Variants in NRXN3 observed in about 807,000 individuals in gnomAD.
NRXN3 encodes the protein neurexin 3.
In NRXN3, 32 loss-of-function variants were observed where a neutral mutation model predicts 137.6. The ratio of observed to expected loss-of-function variants is 0.23; its 90% CI spans 0.18 to 0.31. The LOEUF is 0.31. Ranked by LOEUF, NRXN3 falls within the 10% of genes least tolerant of loss-of-function variation. The pLI, the probability that NRXN3 is intolerant of heterozygous loss-of-function variation, is 1.00. For synonymous variants in NRXN3, 798 were observed against 784.5 expected, an observed-to-expected ratio of 1.02 and a Z score of -0.29; for missense variants, 1,574 against 2,062.5, an observed-to-expected ratio of 0.76 and a Z score of 4.59.
chr14:78,506,774 A>T (rs1037004572), intron 4 of NRXN3, among the ~76,000 whole-genome samples: 2 of 149,362 alleles, frequency 1.3e-5, no homozygotes, highest in Non-Finnish European at 1.5e-5. Flanking sequence ...GGCTCAAGTG[A>T]TTCTCTTGCC....
chr14:78,731,559 A>T (rs900565219), intron 8 of NRXN3, among the ~76,000 whole-genome samples: 4 of 151,700 alleles, frequency 2.6e-5, no homozygotes, highest in African/African-American at 9.7e-5. Context: ...GTTATTATTA[A>T]CATATCTGTA....
chr14:78,896,694 T>G (rs1054615410), intron 10 of NRXN3, among the ~76,000 whole-genome samples: 19 of 151,882 alleles, frequency 1.3e-4, no homozygotes, highest in African/African-American at 4.3e-4. Context: ...TTCCACTTGC[T>G]AAAAATCTAT....
At chr14:78,642,953 C>G (rs186450119) in intron 4 of NRXN3, among the ~76,000 whole-genome samples, 7 of 152,156 alleles carry the variant, frequency 4.6e-5, no homozygotes, top group Admixed American at 3.3e-4. Context: ...GAACAGGTCT[C>G]TTTTGCTTAT....
intron 15 of NRXN3, among the ~76,000 whole-genome samples, chr14:79,153,406 TGAGA>T (rs1409748599): frequency 1.3e-5 from 2 of 151,942 alleles, no homozygotes; most frequent in African/African-American, 4.8e-5. Flanking sequence ...TCTTTTTATT[TGAGA>T]GAGAGAAAGA....
chr14:79,297,779 C>A (rs74634418), intron 15 of NRXN3, among the ~76,000 whole-genome samples: 1,964 of 152,116 alleles, frequency 0.013, 34 homozygotes, highest in South Asian at 0.081. Flanking sequence ...TGGGTAGCAA[C>A]CCAGCACTGC....
intron 15 of NRXN3, among the ~76,000 whole-genome samples, chr14:79,379,167 A>G (rs1273213598): frequency 6.6e-6 from 1 of 152,014 alleles, no homozygotes; most frequent in African/African-American, 2.4e-5. Flanking sequence ...TCCAGGAAAA[A>G]ATTTTAACTT....
chr14:78,261,311 C>T (rs151000862), intron 2 of NRXN3, among the ~76,000 whole-genome samples: 74 of 152,304 alleles, frequency 4.9e-4, no homozygotes, highest in Admixed American at 1.0e-3. Flanking sequence ...TGATTTTGCT[C>T]TGCTCTGATC....
At chr14:79,317,872 T>A (rs919553579) in intron 15 of NRXN3, among the ~76,000 whole-genome samples, 1 of 152,188 alleles carries the variant, frequency 6.6e-6, no homozygotes, top group East Asian at 1.9e-4. Context: ...AATACCTACA[T>A]TGGGAGTGGG....
At chr14:79,526,935 A>G (rs566115499) in intron 16 of NRXN3, among the ~76,000 whole-genome samples, 1 of 152,310 alleles carries the variant, frequency 6.6e-6, no homozygotes, top group Admixed American at 6.5e-5. Flanking sequence ...GCAAAACATA[A>G]CAGAACCCAG....
chr14:79,084,494 C>T (rs776000073), intron 15 of NRXN3, among the ~76,000 whole-genome samples: 1 of 152,130 alleles, frequency 6.6e-6, no homozygotes, highest in Non-Finnish European at 1.5e-5. Flanking sequence ...TAAAAAAGTA[C>T]TGTCACTCCC....
chr14:79,044,836 T>C (rs1221029176), intron 15 of NRXN3, among the ~76,000 whole-genome samples: 2 of 151,866 alleles, frequency 1.3e-5, no homozygotes. Context: ...TTTTTTTTTT[T>C]TTTTTCTTCC....
chr14:79,209,517 A>G (rs911050915), intron 15 of NRXN3, among the ~76,000 whole-genome samples: 1 of 152,236 alleles, frequency 6.6e-6, no homozygotes, highest in African/African-American at 2.4e-5. Context: ...CACTGAGATC[A>G]TTAAGGTCTC....
intron 4 of NRXN3, among the ~76,000 whole-genome samples, chr14:78,383,970 T>C (rs138067497): frequency 2.0e-5 from 3 of 152,304 alleles, no homozygotes; most frequent in Non-Finnish European, 4.4e-5. Context: ...TAAAAGCCAA[T>C]TGGTCCTGTG....
chr14:78,669,119 T>TA (rs951351544), intron 6 of NRXN3, among the ~76,000 whole-genome samples: 1 of 151,534 alleles, frequency 6.6e-6, no homozygotes, highest in Non-Finnish European at 1.5e-5. Context: ...GAACAAAAGT[T>TA]AAAAAAAAAT....
chr14:78,474,637 A>G (rs755975110), intron 4 of NRXN3, among the ~76,000 whole-genome samples: 19 of 152,232 alleles, frequency 1.2e-4, no homozygotes, highest in Non-Finnish European at 2.4e-4. Context: ...GGGCATGAAT[A>G]TCAGGAAGGA....
At chr14:79,812,985 G>A (rs1188929908) in intron 20 of NRXN3, among the ~76,000 whole-genome samples, 1 of 151,962 alleles carries the variant, frequency 6.6e-6, no homozygotes, top group Admixed American at 6.6e-5. Context: ...CCAAGTATAT[G>A]TACTGTGTGT....
intron 15 of NRXN3, among the ~76,000 whole-genome samples, chr14:79,354,010 C>T (rs2093327991): frequency 6.6e-6 from 1 of 152,086 alleles, no homozygotes; most frequent in African/African-American, 2.4e-5. Flanking sequence ...ATAACAGCTA[C>T]GACATCTTTT....
chr14:79,266,281 T>C (rs920401426), intron 15 of NRXN3, among the ~76,000 whole-genome samples: 1 of 152,130 alleles, frequency 6.6e-6, no homozygotes. Context: ...CTTCAAAACC[T>C]GGTTTAAAGA....
At chr14:79,070,098 G>T (rs1316286258) in intron 15 of NRXN3, among the ~76,000 whole-genome samples, 1 of 152,050 alleles carries the variant, frequency 6.6e-6, no homozygotes, top group Non-Finnish European at 1.5e-5. Context: ...AATTAGGAAG[G>T]ATGTTATGAC....
Sources: gnomAD v4.1 joint callset for allele counts (sites outside exome capture counted in the v4.1 genomes callset) on GRCh38, gnomAD v4.1.1 for gene constraint, MANE v1.5 for transcripts, NCBI Gene and HGNC (gene_info 2026-07-23, HGNC 2026-07-21) for gene names.